The following KCNH8 variants were observed in gnomAD, a reference collection of about 807,000 sequenced individuals.
KCNH8 encodes potassium voltage-gated channel subfamily H member 8, also known as voltage-gated delayed rectifier potassium channel KCNH8.
Under a neutral mutation model 103.6 loss-of-function variants are expected in KCNH8, and 70 were observed. That is an observed-to-expected ratio of 0.68 (90% CI 0.56 to 0.82). KCNH8 has a LOEUF of 0.82. Ranked by LOEUF, KCNH8 falls within the 40% of genes least tolerant of loss-of-function variation. The pLI, the probability that KCNH8 is intolerant of heterozygous loss-of-function variation, is 0.00. For missense variants in KCNH8, 1,217 were observed against 1,329.9 expected, an observed-to-expected ratio of 0.92 and a Z score of 1.32; for synonymous variants, 498 against 489.4, an observed-to-expected ratio of 1.02 and a Z score of -0.23.
chr3:19,410,979 A>C (rs984882014), intron 7 of KCNH8, among the ~76,000 whole-genome samples: 7 of 152,166 alleles, frequency 4.6e-5, no homozygotes, highest in Non-Finnish European at 8.8e-5. Flanking sequence ...CTAATTTCAA[A>C]AAATTGAGGC....
chr3:19,491,871 T>C (rs1053227649), intron 11 of KCNH8, among the ~76,000 whole-genome samples: 9 of 152,250 alleles, frequency 5.9e-5, no homozygotes, highest in African/African-American at 2.2e-4. Context: ...CCATTCTGAC[T>C]AGTGTGAAAT....
At chr3:19,372,040 T>G (rs1275602746) in intron 5 of KCNH8, among the ~76,000 whole-genome samples, 1 of 152,208 alleles carries the variant, frequency 6.6e-6, no homozygotes, top group Non-Finnish European at 1.5e-5. Flanking sequence ...TGAAGTCAGA[T>G]AGTGTGATGC....
At position 19,534,307 on chromosome 3, in the gene KCNH8, G is replaced by C; in HGVS notation, c.*208G>C. 3 of 581,858 alleles carry C rather than the reference G, an allele frequency of 5.2e-6. No individual in the cohort carries two copies. Among genetic ancestry groups the C allele is most frequent in the Non-Finnish European group, 9.1e-6 (3 of 328,786 alleles). The allele number at this position is 581,858 out of a possible 1,614,324, so 36.0% of individuals were successfully genotyped here. A position where few individuals can be genotyped will look rare whatever the true frequency, so the allele number is the denominator to read the frequency against. ...AGAAGCATAATAGAAACATTTTTCT[G>C]TACAGGTATTAAACTACTGGTCTGT... On this transcript the variant is annotated 3_prime_UTR_variant, in exon 16 of 16. Coordinates refer to ENST00000328405, the MANE Select transcript of KCNH8 (RefSeq NM_144633.3).
intron 1 of KCNH8, among the ~76,000 whole-genome samples, chr3:19,170,905 G>A (rs1345262887): frequency 1.4e-5 from 2 of 147,528 alleles, no homozygotes; most frequent in South Asian, 2.1e-4. Flanking sequence ...TCCGCCTCCT[G>A]GGTTCAAGCC....
chr3:19,296,063 A>G (rs1046451348), intron 3 of KCNH8, among the ~76,000 whole-genome samples: 23 of 152,160 alleles, frequency 1.5e-4, no homozygotes, highest in African/African-American at 4.8e-4. Context: ...CCAAAATTCC[A>G]TGATGCTTTA....
At chr3:19,439,548 C>T (rs1347608928) in intron 8 of KCNH8, among the ~76,000 whole-genome samples, 2 of 152,106 alleles carry the variant, frequency 1.3e-5, no homozygotes, top group Non-Finnish European at 2.9e-5. Flanking sequence ...CTATCACCCT[C>T]CTTTATTGCA....
At chr3:19,356,189 G>A (rs1479422525) in intron 5 of KCNH8, among the ~76,000 whole-genome samples, 1 of 151,900 alleles carries the variant, frequency 6.6e-6, no homozygotes, top group Non-Finnish European at 1.5e-5. Flanking sequence ...AGTCAATTTT[G>A]GGAGATGATA....
intron 11 of KCNH8, among the ~76,000 whole-genome samples, chr3:19,480,603 G>A (rs2068068347): frequency 6.6e-6 from 1 of 152,114 alleles, no homozygotes; most frequent in Non-Finnish European, 1.5e-5. Context: ...TCATTCAGTA[G>A]AATAAAGACA....
chr3:19,184,146 T>G (rs2063481754), intron 1 of KCNH8, among the ~76,000 whole-genome samples: 1 of 152,090 alleles, frequency 6.6e-6, no homozygotes, highest in South Asian at 2.1e-4. Context: ...GCTTGTTGCA[T>G]CATTATTTAT....
chr3:19,352,864 G>A (rs983143404), intron 5 of KCNH8, among the ~76,000 whole-genome samples: 1 of 151,782 alleles, frequency 6.6e-6, no homozygotes, highest in Non-Finnish European at 1.5e-5. Context: ...GCTAGCAGAT[G>A]GCAAGAAATA....
At chr3:19,276,824 A>G (rs2064679852) in intron 2 of KCNH8, among the ~76,000 whole-genome samples, 1 of 152,086 alleles carries the variant, frequency 6.6e-6, no homozygotes, top group South Asian at 2.1e-4. Flanking sequence ...CACAGATAAA[A>G]CTTCCATATA....
At chr3:19,467,409 T>C (rs1340824699) in intron 11 of KCNH8, among the ~76,000 whole-genome samples, 1 of 152,202 alleles carries the variant, frequency 6.6e-6, no homozygotes, top group Non-Finnish European at 1.5e-5. Flanking sequence ...CATTTCTGAT[T>C]GCTTTCTCTG....
intron 15 of KCNH8, among the ~76,000 whole-genome samples, chr3:19,530,638 T>G (rs1226057614): frequency 1.3e-5 from 2 of 152,218 alleles, no homozygotes; most frequent in Non-Finnish European, 2.9e-5. Flanking sequence ...CTCCTACATT[T>G]TTAGAGATGA....
intron 2 of KCNH8, among the ~76,000 whole-genome samples, chr3:19,256,678 A>G (rs2064350819): frequency 6.6e-6 from 1 of 152,052 alleles, no homozygotes; most frequent in African/African-American, 2.4e-5. Flanking sequence ...CAAACAATGG[A>G]GACTTATAGG....
At chr3:19,311,400 A>G (rs2065205863) in intron 3 of KCNH8, among the ~76,000 whole-genome samples, 2 of 151,680 alleles carry the variant, frequency 1.3e-5, no homozygotes, top group African/African-American at 4.8e-5. Flanking sequence ...GAACCTGTAC[A>G]GCCCGGTTGC....
In KCNH8 at chr3:19,219,367, T is replaced by C. The variant is rs530809151; in HGVS notation, c.77-34287T>C. On this transcript the variant is annotated intron_variant, in intron 1 of 15. Coordinates refer to ENST00000328405, the MANE Select transcript of KCNH8 (RefSeq NM_144633.3). The stretch of plus-strand genomic sequence containing the variant: ...TATTTATCACCTTATAACTAAAATG[T>C]TTATTGTTTGTCTTCTGACCCTGAC... 1.7e-4 allele frequency among the ~76,000 whole-genome samples: 26 copies of C among 152,300 alleles called. No individual in the cohort carries two copies. The South Asian group carries it at 4.3e-3, about 25-fold the overall frequency.
intron 1 of KCNH8, among the ~76,000 whole-genome samples, chr3:19,180,594 A>C (rs2063442388): frequency 6.6e-6 from 1 of 152,160 alleles, no homozygotes; most frequent in Admixed American, 6.5e-5. Flanking sequence ...TCTGAACTTG[A>C]CTTCAGGCAT....
At chr3:19,202,606 A>G (rs2063674519) in intron 1 of KCNH8, among the ~76,000 whole-genome samples, 1 of 152,254 alleles carries the variant, frequency 6.6e-6, no homozygotes, top group East Asian at 1.9e-4. Context: ...AATATGAGAA[A>G]TTATGCTTTT....
At chr3:19,170,627 TATATACACAC>T (rs2063333140) in intron 1 of KCNH8, among the ~76,000 whole-genome samples, 1 of 141,838 alleles carries the variant, frequency 7.1e-6, no homozygotes, top group African/African-American at 2.8e-5. Flanking sequence ...CACACATATA[TATATACACAC>T]ATATATATAC....
Sources: gnomAD v4.1 joint callset for allele counts (sites outside exome capture counted in the v4.1 genomes callset) on GRCh38, gnomAD v4.1.1 for gene constraint, MANE v1.5 for transcripts, NCBI Gene and HGNC (gene_info 2026-07-23, HGNC 2026-07-21) for gene names.